The following HIVEP1 variants were observed in gnomAD, a reference collection of about 807,000 sequenced individuals.
HIVEP1 encodes the protein zinc finger protein 40.
In HIVEP1, 36 loss-of-function variants were observed where a neutral mutation model predicts 180.0. The observed-to-expected ratio is 0.20, with a 90% CI of 0.15 to 0.26. The LOEUF (loss-of-function observed/expected upper bound fraction) is 0.26, where lower values mean the gene tolerates loss of function less well. Ranked by LOEUF, HIVEP1 falls within the 10% of genes least tolerant of loss-of-function variation. HIVEP1 has a pLI of 1.00. For synonymous variants in HIVEP1, 1,239 were observed against 1,239.0 expected (o/e 1.00, Z 0.00); for missense variants, 3,143 against 3,268.7 (o/e 0.96, Z 0.94).
intron 3 of HIVEP1, among the ~76,000 whole-genome samples, chr6:12,112,157 C>T (rs1309813531): frequency 6.6e-6 from 1 of 152,098 alleles, no homozygotes; most frequent in Non-Finnish European, 1.5e-5. Flanking sequence ...TTTTTGAAAG[C>T]TAAATTATTT....
chr6:12,187,347 G>T, the HIVEP1 span, among the ~76,000 whole-genome samples: 1 of 152,080 alleles, frequency 6.6e-6, no homozygotes. Context: ...TCTCATGAAT[G>T]GATTAATGCC....
the HIVEP1 span, among the ~76,000 whole-genome samples, chr6:12,195,209 T>C: frequency 6.6e-6 from 1 of 152,232 alleles, no homozygotes; most frequent in Admixed American, 6.5e-5. Context: ...GTTGGACGAA[T>C]CTAGCTACTA....
At chr6:12,021,381 TCTC>T (rs1251173345) in intron 2 of HIVEP1, among the ~76,000 whole-genome samples, 7 of 152,282 alleles carry the variant, frequency 4.6e-5, no homozygotes, top group South Asian at 2.1e-4. Flanking sequence ...AGTTACTTCT[TCTC>T]CTTTTCCATT....
At chr6:12,016,652 C>G (rs921771073) in intron 2 of HIVEP1, among the ~76,000 whole-genome samples, 10 of 152,174 alleles carry the variant, frequency 6.6e-5, no homozygotes, top group African/African-American at 2.4e-4. Flanking sequence ...TCTGTTGCCT[C>G]AGGTGGATGC....
At chr6:12,074,417 T>C (rs1020710440) in intron 2 of HIVEP1, among the ~76,000 whole-genome samples, 1 of 152,218 alleles carries the variant, frequency 6.6e-6, no homozygotes, top group African/African-American at 2.4e-5. Context: ...TATATTACTA[T>C]ATTATTTGGG....
chr6:12,025,663 G>A (rs1015527500), intron 2 of HIVEP1, among the ~76,000 whole-genome samples: 1 of 152,188 alleles, frequency 6.6e-6, no homozygotes, highest in Non-Finnish European at 1.5e-5. Flanking sequence ...TTGTCTTCAT[G>A]TGGTAGGTAC....
At chr6:12,011,170 C>G (rs1002094100), upstream of HIVEP1, among the ~76,000 whole-genome samples, 4 of 152,154 alleles carry the variant, frequency 2.6e-5, no homozygotes, top group Non-Finnish European at 5.9e-5. Flanking sequence ...ACCCTGCCCC[C>G]TCCGTTTTTT....
At chr6:12,168,185 G>T (rs28495135), downstream of HIVEP1, among the ~76,000 whole-genome samples, 1 of 35,728 alleles carries the variant, frequency 2.8e-5, no homozygotes, top group African/African-American at 1.0e-4. Context: ...ATTATATATA[G>T]ATATACGTGT....
intron 3 of HIVEP1, among the ~76,000 whole-genome samples, chr6:12,111,982 A>C (rs1400736618): frequency 6.6e-6 from 1 of 152,198 alleles, no homozygotes; most frequent in Non-Finnish European, 1.5e-5. Context: ...TTTTGAAGTG[A>C]TAAAATTCTT....
chr6:12,033,322 ATGTGTGTGTGTG>A (rs58465582), intron 2 of HIVEP1, among the ~76,000 whole-genome samples: 5 of 148,882 alleles, frequency 3.4e-5, no homozygotes, highest in Middle Eastern at 3.4e-3. Context: ...GTAGAGGAGC[ATGTGTGTGTGTG>A]TGTGTGTGTG....
intron 1 of HIVEP1, among the ~76,000 whole-genome samples, chr6:12,013,465 A>G (rs896096702): frequency 3.3e-5 from 5 of 152,146 alleles, no homozygotes; most frequent in African/African-American, 1.2e-4. Context: ...TAAATATGGG[A>G]TGGACAGCTA....
intron 4 of HIVEP1, among the ~76,000 whole-genome samples, chr6:12,127,480 C>T (rs998814603): frequency 2.0e-5 from 3 of 152,206 alleles, no homozygotes; most frequent in Admixed American, 6.5e-5. Context: ...AGAGAAGTGG[C>T]TCTCCTTGAG....
chr6:12,112,689 G>GC (rs1774976864), intron 3 of HIVEP1, among the ~76,000 whole-genome samples: 1 of 151,894 alleles, frequency 6.6e-6, no homozygotes. Flanking sequence ...CCTCCTCACC[G>GC]CCCCCCTAGC....
chr6:12,014,813 A>T (rs935752216), intron 1 of HIVEP1, among the ~76,000 whole-genome samples: 1 of 152,100 alleles, frequency 6.6e-6, no homozygotes, highest in African/African-American at 2.4e-5. Flanking sequence ...TAACTCTCAA[A>T]CCTCACTTAT....
At chr6:12,135,726 A>G (rs1280027787) in intron 6 of HIVEP1, 65 bp from the exon 7 acceptor site, 6 of 988,192 alleles carry the variant, frequency 6.1e-6, no homozygotes, top group Non-Finnish European at 9.5e-6. Context: ...GAAATTTGCC[A>G]GTGTTTACAA....
intron 3 of HIVEP1, among the ~76,000 whole-genome samples, chr6:12,097,851 G>GT (rs1482420286): frequency 1.3e-5 from 2 of 152,088 alleles, no homozygotes; most frequent in Non-Finnish European, 2.9e-5. Flanking sequence ...TCCTCACTGT[G>GT]TTTAAGTTCA....
chr6:12,159,598 A>G (rs957861705), intron 7 of HIVEP1, among the ~76,000 whole-genome samples: 1 of 152,192 alleles, frequency 6.6e-6, no homozygotes, highest in African/African-American at 2.4e-5. Flanking sequence ...CCTATAAAAA[A>G]TTTTTAAAAT....
chr6:12,175,330 G>A, the HIVEP1 span, among the ~76,000 whole-genome samples: 1 of 152,076 alleles, frequency 6.6e-6, no homozygotes, highest in African/African-American at 2.4e-5. Context: ...TTTATTTTCT[G>A]TGCTTCAGTT....
At chr6:12,153,571 C>CAAAAAAAAAAAAAAAAA in intron 7 of HIVEP1, among the ~76,000 whole-genome samples, 1 of 94,650 alleles carries the variant, frequency 1.1e-5, no homozygotes, top group Non-Finnish European at 2.1e-5. Flanking sequence ...GTAAGAAATG[C>CAAAAAAAAAAAAAAAAA]AAAAAAAAAA....
Sources: allele counts gnomAD v4.1 joint callset (sites outside exome capture counted in the v4.1 genomes callset), GRCh38; gene constraint gnomAD v4.1.1; transcripts MANE v1.5; gene names NCBI Gene and HGNC (gene_info 2026-07-23, HGNC 2026-07-21).